RSPO4: variants seen among roughly 807,000 people sequenced by gnomAD.
The protein encoded by RSPO4 is R-spondin-4.
A neutral mutation model predicts 24.8 loss-of-function variants in RSPO4; 23 were observed. That is an observed-to-expected ratio of 0.93 (90% CI 0.67 to 1.31). RSPO4 has a LOEUF of 1.31. RSPO4 is among the 40% of genes most tolerant of loss of function. The probability of loss-of-function intolerance (pLI) is 0.00; values close to 1 mark genes in which losing one functional copy is unlikely to be tolerated. For synonymous variants in RSPO4, 141 were observed against 127.4 expected, an observed-to-expected ratio of 1.11 and a Z score of -0.72; for missense variants, 333 against 316.5, an observed-to-expected ratio of 1.05 and a Z score of -0.39.
At chr20:971,474 G>T (rs1984404968) in intron 1 of RSPO4, among the ~76,000 whole-genome samples, 1 of 152,214 alleles carries the variant, frequency 6.6e-6, no homozygotes, top group Admixed American at 6.5e-5. Flanking sequence ...CAAAGGAATA[G>T]ATAAATACAT....
intron 1 of RSPO4, among the ~76,000 whole-genome samples, chr20:971,936 G>A (rs1423621998): frequency 2.0e-5 from 3 of 152,156 alleles, no homozygotes; most frequent in Admixed American, 6.5e-5. Flanking sequence ...CTCAAGCTGA[G>A]GTCTTGAGCA....
At chr20:989,249 C>A (rs977728879) in intron 1 of RSPO4, among the ~76,000 whole-genome samples, 2 of 152,176 alleles carry the variant, frequency 1.3e-5, no homozygotes, top group Non-Finnish European at 2.9e-5. Context: ...GGAGGCAGCA[C>A]CAGGCAGCAG....
At position 960,345 on chromosome 20, in the gene RSPO4, G is replaced by A. The variant is rs1247918591; in HGVS notation, c.*12C>T. 46 of 1,527,296 alleles carry A rather than the reference G, an allele frequency of 3.0e-5. No homozygotes were observed. The highest frequency in any genetic ancestry group is 4.0e-5 in the Non-Finnish European group (45 of 1,138,846). 94.6% of individuals were successfully genotyped at this position (1,527,296 alleles called of 1,614,324 possible). A position where few individuals can be genotyped will look rare whatever the true frequency, so the allele number is the denominator to read the frequency against. Reference sequence around the variant, plus strand: ...CCGAGGACTAGGACCAGAGAGTCGGGAGAGCCGGCGGTCAGGGCTGCAGGC... The same window carrying A: ...CCGAGGACTAGGACCAGAGAGTCGGAAGAGCCGGCGGTCAGGGCTGCAGGC... On this transcript the variant is annotated 3_prime_UTR_variant, in exon 5 of 5. Coordinates refer to ENST00000217260, the MANE Select transcript of RSPO4 (RefSeq NM_001029871.4).
In RSPO4 at chr20:970,137, C is replaced by T. The variant is rs1984362557; in HGVS notation, c.80-1999G>A. The stretch of plus-strand genomic sequence containing the variant: ...GAGCTAACGAAAGCCCGGTCAGATA[C>T]ACATTCTGGTGACTCCAGTCCTGGG... On this transcript the variant is annotated intron_variant, in intron 1 of 4. Transcript: ENST00000217260. This position sits in a 1 kb window ranked among gnomAD's most constrained non-coding sequence, Gnocchi z 4.1. 6.6e-6 allele frequency among the ~76,000 whole-genome samples: 1 copy of T among 152,176 alleles called. No homozygotes were observed. The highest frequency in any genetic ancestry group is 2.4e-5 in the African/African-American group (1 of 41,440).
chr20:968,054 A>G lies in RSPO4; in HGVS notation c.164T>C (p.Phe55Ser). The G allele has an allele frequency of 6.2e-7, 1 of 1,614,210 alleles. No individual in the cohort carries two copies. The highest frequency in any genetic ancestry group is 8.5e-7 in the Non-Finnish European group (1 of 1,180,024). Reference protein sequence around the residue: ...NGCSTCQQRLFLFIRREGIRQ... With the variant: ...NGCSTCQQRLSLFIRREGIRQ... Reference sequence around the variant, plus strand: ...GATGCCTTCCCGGCGGATGAACAGGAAGAGCCTCTGCTGGCAGGTGGAACA... The same window carrying G: ...GATGCCTTCCCGGCGGATGAACAGGGAGAGCCTCTGCTGGCAGGTGGAACA... The change falls in exon 2 of 5, where the codon TTC (phenylalanine) becomes TCC (serine). Residue 55 changes from phenylalanine (F) to serine (S), a missense_variant. By Grantham distance (155) the Phe-to-Ser change is radical. Coordinates refer to ENST00000217260, the MANE Select transcript of RSPO4 (RefSeq NM_001029871.4).
At chr20:963,890 TGGG>T in intron 4 of RSPO4, 42 bp downstream of exon 4, 1 of 1,593,450 alleles carries the variant, frequency 6.3e-7, no homozygotes, top group Non-Finnish European at 8.6e-7. Context: ...CCTGTCCCTG[TGGG>T]CCTTTCCCAC....
chr20:998,625 A>G (rs1985370505), intron 1 of RSPO4, among the ~76,000 whole-genome samples: 1 of 152,138 alleles, frequency 6.6e-6, no homozygotes, highest in Admixed American at 6.5e-5. Context: ...GATTGTGCAG[A>G]CCTGGCCAAA....
chr20:979,036 C>A (rs1037592939), intron 1 of RSPO4, among the ~76,000 whole-genome samples: 1 of 152,208 alleles, frequency 6.6e-6, no homozygotes, highest in Non-Finnish European at 1.5e-5. Context: ...CTACTCCACT[C>A]AGGGCCAAAG....
chr20:963,764 C>T (rs1984080718), intron 4 of RSPO4, among the ~76,000 whole-genome samples, 171 bp downstream of exon 4: 1 of 152,156 alleles, frequency 6.6e-6, no homozygotes, highest in Non-Finnish European at 1.5e-5. Flanking sequence ...CAAGGAAGGC[C>T]CTCCTTTGAA....
At chr20:983,620 C>T (rs2122243974) in intron 1 of RSPO4, among the ~76,000 whole-genome samples, 1 of 152,308 alleles carries the variant, frequency 6.6e-6, no homozygotes, top group Non-Finnish European at 1.5e-5. Flanking sequence ...TGGGTTCATT[C>T]CCACACTAGC....
chr20:966,186 G>A (rs1358361236), intron 3 of RSPO4, among the ~76,000 whole-genome samples: 1 of 152,150 alleles, frequency 6.6e-6, no homozygotes, highest in Non-Finnish European at 1.5e-5. Context: ...GACCATGAAT[G>A]TGAGCCCGGA....
intron 1 of RSPO4, among the ~76,000 whole-genome samples, chr20:969,435 G>A (rs1440725335): frequency 6.6e-6 from 1 of 152,228 alleles, no homozygotes; most frequent in Non-Finnish European, 1.5e-5. Context: ...CAAAGACAGG[G>A]GGTGCCTGCA....
chr20:966,160 C>A (rs9680008), intron 3 of RSPO4, among the ~76,000 whole-genome samples: 3,936 of 152,170 alleles, frequency 0.026, 57 homozygotes, highest in South Asian at 0.034. Flanking sequence ...AGTCAGGGGC[C>A]ATCAGCAGCT....
chr20:1,002,058 G>C lies in RSPO4; in HGVS notation c.79+28C>G. 6.5e-7 allele frequency: 1 copy of C among 1,539,490 alleles called. No individual in the cohort carries two copies. Among genetic ancestry groups the C allele is most frequent in the Non-Finnish European group, 8.8e-7 (1 of 1,138,972 alleles). On this transcript the variant is annotated intron_variant, in intron 1 of 4. Coordinates refer to ENST00000217260, the MANE Select transcript of RSPO4 (RefSeq NM_001029871.4). The surrounding 1 kb of genome is among the most constrained non-coding windows in gnomAD (Gnocchi z 4.6). The stretch of plus-strand genomic sequence containing the variant: ...CCGGTCTGCCCCGCAGCGCCTGCCC[G>C]GCCGCCCTGCCCAGCCACCCCTTGT...
In RSPO4 at chr20:968,084, T is replaced by C. The variant is rs753303855; in HGVS notation, c.134A>G (p.Asn45Ser). The C allele has an allele frequency of 3.6e-5, 58 of 1,614,068 alleles. No individual in the cohort carries two copies. Among genetic ancestry groups the C allele is most frequent in the Non-Finnish European group, 4.9e-5 (58 of 1,180,052 alleles). Residue 45 changes from asparagine to serine, a missense_variant, in exon 2 of 5, where the codon AAC becomes AGC. Asn to Ser is a conservative substitution (Grantham distance 46). Coordinates refer to ENST00000217260, the MANE Select transcript of RSPO4 (RefSeq NM_001029871.4). Reference sequence around the variant, plus strand: ...CCTCTGCTGGCAGGTGGAACAGCCGTTCTCCTCTGAGCAGATGATACAGCC... The same window carrying C: ...CCTCTGCTGGCAGGTGGAACAGCCGCTCTCCTCTGAGCAGATGATACAGCC... ...CTGCIICSEENGCSTCQQRLF... is the reference protein window; with the variant it reads ...CTGCIICSEESGCSTCQQRLF...
At chr20:977,295 G>C (rs1257418053) in intron 1 of RSPO4, among the ~76,000 whole-genome samples, 1 of 152,236 alleles carries the variant, frequency 6.6e-6, no homozygotes. Flanking sequence ...CCCACACTTT[G>C]AGAACTACTA....
At chr20:985,530 T>C (rs1028656034) in intron 1 of RSPO4, among the ~76,000 whole-genome samples, 2 of 152,238 alleles carry the variant, frequency 1.3e-5, no homozygotes, top group African/African-American at 2.4e-5. Context: ...TCCAATGCCA[T>C]GCATGGGGCC....
intron 1 of RSPO4, among the ~76,000 whole-genome samples, chr20:983,097 G>A (rs1168349878): frequency 6.6e-6 from 1 of 152,256 alleles, no homozygotes; most frequent in Admixed American, 6.5e-5. Context: ...ATGAGCCCGA[G>A]TGAGAAAGGT....
intron 1 of RSPO4, among the ~76,000 whole-genome samples, chr20:974,593 G>A (rs1984505463): frequency 6.6e-6 from 1 of 152,232 alleles, no homozygotes; most frequent in African/African-American, 2.4e-5. Context: ...TACAGTGGTT[G>A]TAGGTTCAGA....
Sources: gnomAD v4.1 joint callset for allele counts (sites outside exome capture counted in the v4.1 genomes callset) on GRCh38, gnomAD v4.1.1 for gene constraint, Gnocchi (gnomAD v3.1) non-coding constraint, MANE v1.5 for transcripts, NCBI Gene and HGNC (gene_info 2026-07-23, HGNC 2026-07-21) for gene names.